The following TENM1 variants were observed in gnomAD, a reference collection of about 807,000 sequenced individuals.
TENM1 encodes teneurin-1.
A neutral mutation model predicts 174.8 loss-of-function variants in TENM1; 35 were observed. That is an observed-to-expected ratio of 0.20 (90% confidence interval 0.15 to 0.27). TENM1 has a LOEUF of 0.27. Ranked by LOEUF, TENM1 falls within the 10% of genes least tolerant of loss-of-function variation. The pLI is 1.00. For missense variants in TENM1, 1,633 were observed against 2,130.1 expected (o/e 0.77, Z 4.59); for synonymous variants, 781 against 798.7 (o/e 0.98, Z 0.37).
At chrX:124,402,200 A>G (rs141773988) in intron 27 of TENM1, among the ~76,000 whole-genome samples, 1 of 112,087 alleles carries the variant, frequency 8.9e-6, no homozygotes, top group East Asian at 2.8e-4. Context: ...TGATCAAATA[A>G]AATCCTGGCT....
At chrX:124,837,239 C>T (rs1228147740) in intron 3 of TENM1, among the ~76,000 whole-genome samples, 1 of 111,939 alleles carries the variant, frequency 8.9e-6, no homozygotes, top group African/African-American at 3.2e-5. Flanking sequence ...CAGGCATGCA[C>T]CACCATGCCC....
At chrX:124,971,052 C>T in the TENM1 span, among the ~76,000 whole-genome samples, 4 of 101,484 alleles carry the variant, frequency 3.9e-5, no homozygotes, top group South Asian at 4.8e-4. Context: ...AACCAAACAC[C>T]GCATGTTCTC....
intron 11 of TENM1, among the ~76,000 whole-genome samples, chrX:124,583,107 G>A (rs776167370): frequency 1.4e-3 from 157 of 111,843 alleles, no homozygotes; most frequent in African/African-American, 4.4e-3. Flanking sequence ...TGGGGGCAGG[G>A]CACAGACAAA....
chrX:125,125,309 G>A, the TENM1 span, among the ~76,000 whole-genome samples: 1 of 111,802 alleles, frequency 8.9e-6, no homozygotes, highest in Non-Finnish European at 1.9e-5. Context: ...TACAGCCCCA[G>A]ATCACTTTAC....
At chrX:124,972,062 G>A in the TENM1 span, among the ~76,000 whole-genome samples, 15 of 109,186 alleles carry the variant, frequency 1.4e-4, no homozygotes, top group East Asian at 3.5e-3. Flanking sequence ...GTGAAACCCC[G>A]TCTCTACTAA....
chrX:124,606,521 G>A (rs902784095), intron 11 of TENM1, among the ~76,000 whole-genome samples: 1 of 111,513 alleles, frequency 9.0e-6, no homozygotes, highest in African/African-American at 3.3e-5. Context: ...ACAGCAAAAT[G>A]GTGAAAAGTA....
intron 3 of TENM1, among the ~76,000 whole-genome samples, chrX:124,811,198 A>G (rs2055764763): frequency 8.9e-6 from 1 of 112,074 alleles, no homozygotes; most frequent in African/African-American, 3.2e-5. Flanking sequence ...TCTGCATAGC[A>G]AAGGAACCAA....
At chrX:125,195,528 A>T in the TENM1 span, among the ~76,000 whole-genome samples, 2 of 112,044 alleles carry the variant, frequency 1.8e-5, no homozygotes, top group Non-Finnish European at 3.8e-5. Flanking sequence ...GCAATATCTC[A>T]AATAGTGAAA....
chrX:125,110,076 T>A, the TENM1 span, among the ~76,000 whole-genome samples: 1 of 111,800 alleles, frequency 8.9e-6, no homozygotes, highest in Non-Finnish European at 1.9e-5. Flanking sequence ...CTAATTTTCA[T>A]GGATGGGCAC....
intron 4 of TENM1, among the ~76,000 whole-genome samples, chrX:124,718,121 G>A (rs931236213): frequency 1.8e-5 from 2 of 112,131 alleles, no homozygotes; most frequent in Non-Finnish European, 3.8e-5. Context: ...GTCCTTGTAA[G>A]CTTTTTGCAA....
chrX:124,751,940 C>T (rs1281435203), intron 3 of TENM1, among the ~76,000 whole-genome samples: 8 of 110,167 alleles, frequency 7.3e-5, no homozygotes, highest in East Asian at 2.9e-4. Flanking sequence ...TTAATAGTGC[C>T]GCAATAAACA....
chrX:124,382,769 A>G lies in TENM1; in HGVS notation c.7341T>C (p.Asn2447=), dbSNP rs111275684. Residue 2447 remains asparagine, a synonymous_variant, in exon 31 of 32, where the codon AAT becomes AAC. Coordinates refer to ENST00000422452, the Ensembl canonical transcript of TENM1. ...CAGGTTTGGGAAATCCAGGTAGTAC[A>G]TTGTGTAATTGGAAACCAAATAGCT... is the stretch of plus-strand genomic sequence containing the variant. The G allele has an allele frequency of 2.6e-5, 31 of 1,200,937 alleles. No individual in the cohort carries two copies. In the African/African-American group the frequency reaches 3.5e-4, roughly 14 times the overall value.
chrX:124,975,096 T>C, the TENM1 span, among the ~76,000 whole-genome samples: 1 of 107,859 alleles, frequency 9.3e-6, no homozygotes, highest in Admixed American at 1.0e-4. Context: ...TATACAGTTC[T>C]GAGTTGCAGT....
At chrX:125,102,623 C>T in the TENM1 span, among the ~76,000 whole-genome samples, 6 of 111,946 alleles carry the variant, frequency 5.4e-5, no homozygotes, top group Non-Finnish European at 1.1e-4. Context: ...AAAATCAAAC[C>T]CAAAGCCAAT....
At chrX:125,058,987 TCACACACA>T in the TENM1 span, among the ~76,000 whole-genome samples, 8 of 103,647 alleles carry the variant, frequency 7.7e-5, no homozygotes, top group African/African-American at 2.1e-4. Flanking sequence ...TTCATCATCA[TCACACACA>T]CACACACACA....
At chrX:124,671,544 A>C (rs1197127412) in intron 6 of TENM1, 139 bp downstream of exon 9, 1 of 554,107 alleles carries the variant, frequency 1.8e-6, no homozygotes, top group African/African-American at 2.4e-5. Context: ...AGATATTTAC[A>C]TGCATTTATT....
Position 124,528,483 on chromosome X carries a change from A to T in TENM1, c.2771+1381T>A, listed in dbSNP as rs773630014. ...AAGACATATTCTATTTAGAGAAATA[A>T]CCCATTTCTCAATTTGTGGCATATG... On this transcript the variant is annotated intron_variant, in intron 16 of 31. Transcript: ENST00000422452. Among the ~76,000 whole-genome samples the T allele has an allele frequency of 2.7e-5, 3 of 110,960 alleles. No homozygotes were observed. The East Asian group carries it at 8.5e-4, about 31-fold the overall frequency.
chrX:124,501,725 C>T (rs757766473), intron 19 of TENM1, among the ~76,000 whole-genome samples: 3 of 111,355 alleles, frequency 2.7e-5, no homozygotes, highest in South Asian at 7.7e-4. Context: ...AAGAGCATTG[C>T]TTTCTAAATT....
chrX:124,622,588 T>G (rs1000427169), intron 11 of TENM1, among the ~76,000 whole-genome samples: 9 of 112,371 alleles, frequency 8.0e-5, no homozygotes, highest in Admixed American at 5.7e-4. Flanking sequence ...ACTGACACTC[T>G]TAATTTGCAA....
Sources: gnomAD v4.1 joint callset for allele counts (sites outside exome capture counted in the v4.1 genomes callset) on GRCh38, gnomAD v4.1.1 for gene constraint, MANE v1.5 for transcripts, NCBI Gene and HGNC (gene_info 2026-07-23, HGNC 2026-07-21) for gene names.